The following TTR variants were observed in gnomAD, a reference collection of about 807,000 sequenced individuals.
TTR encodes the protein transthyretin, also known as epididymis luminal protein 111.
Under a neutral mutation model 13.7 loss-of-function variants are expected in TTR, and 8 were observed. The observed-to-expected ratio is 0.58, with a 90% CI of 0.34 to 1.05. TTR has a LOEUF of 1.05. Among genes scored for constraint, TTR ranks in the 50% least tolerant of loss-of-function variants. TTR has a pLI of 0.02. For synonymous variants in TTR, 75 were observed against 71.7 expected (o/e 1.05, Z -0.23); for missense variants, 135 against 185.5 (o/e 0.73, Z 1.58).
At position 31,598,591 on chromosome 18, in the gene TTR, C is replaced by T. The variant is rs150127220; in HGVS notation, c.360C>T (p.Ser120=). 1.1e-3 allele frequency: 1,811 copies of T among 1,613,994 alleles called. 48 individuals are homozygous for T. The East Asian group carries it at 0.026, about 23-fold the overall frequency. The change falls in exon 4 of 4, where the codon TCC becomes TCT. Residue 120 remains serine (S), a synonymous_variant. Transcript: ENST00000237014. The part of the protein sequence containing the change: ...HAEVVFTAND[S]GPRRYTIAAL... ...AGGTGGTATTCACAGCCAACGACTC[C>T]GGCCCCCGCCGCTACACCATTGCCG...
chr18:31,598,199 T>A, intron 3 of TTR: 1 of 356,130 alleles, frequency 2.8e-6, no homozygotes, highest in Non-Finnish European at 5.5e-6. Flanking sequence ...CAGCCACTAT[T>A]GCAGCAGCTC....
Position 31,597,565 on chromosome 18 carries a change from T to C in TTR, c.337-1003T>C, listed in dbSNP as rs116986933. On this transcript the variant is annotated intron_variant, in intron 3 of 3. Transcript: ENST00000237014. ...TTTTTGGTATGGCTCACTCAGATCC[T>C]TTTTTCCTCCTATCCCTAAGTAATC... Among the ~76,000 whole-genome samples the C allele has an allele frequency of 1.9e-3, 293 of 152,316 alleles. 1 individual carries two copies. The highest frequency in any genetic ancestry group is 3.6e-3 in the Non-Finnish European group (245 of 68,028).
At chr18:31,595,756 T>C (rs1467679514) in intron 3 of TTR, 1 of 328,254 alleles carries the variant, frequency 3.0e-6, no homozygotes, top group Non-Finnish European at 5.9e-6. Flanking sequence ...TTACCAAGCA[T>C]ACACCATGTG....
At chr18:31,597,812 C>T (rs933162356) in intron 3 of TTR, among the ~76,000 whole-genome samples, 3 of 152,194 alleles carry the variant, frequency 2.0e-5, no homozygotes, top group Non-Finnish European at 4.4e-5. Context: ...AACTGTGTGA[C>T]TATCTGGAAC....
At position 31,595,024 on chromosome 18, in the gene TTR, A is replaced by G. The variant is rs1000784925; in HGVS notation, c.201-96A>G. On this transcript the variant is annotated intron_variant, in intron 2 of 3. Coordinates refer to ENST00000237014, the MANE Select transcript of TTR (RefSeq NM_000371.4). Reference sequence around the variant, plus strand: ...GGGAAATGTTCATAACATGTTTATAACATGTTTATGTGTGTTAGTTGGTGG... The same window carrying G: ...GGGAAATGTTCATAACATGTTTATAGCATGTTTATGTGTGTTAGTTGGTGG... 22 of 1,331,014 alleles carry G rather than the reference A, an allele frequency of 1.7e-5. 1 individual carries two copies. Among genetic ancestry groups the G allele is most frequent in the Non-Finnish European group, 2.3e-5 (22 of 937,228 alleles). The allele number at this position is 1,331,014 out of a possible 1,614,324, so 82.5% of individuals were successfully genotyped here.
At position 31,595,132 on chromosome 18, in the gene TTR, G is replaced by A. The variant is rs1397638500; in HGVS notation, c.213G>A (p.Glu71=). Residue 71 remains glutamate (E), a synonymous_variant, in exon 3 of 4, where the codon GAG becomes GAA. Transcript: ENST00000237014. ...TCACACCTTATAGGAAAACCAGTGA[G>A]TCTGGAGAGCTGCATGGGCTCACAA... is the stretch of plus-strand genomic sequence containing the variant. ...WEPFASGKTS[E]SGELHGLTTE... is the part of the protein sequence containing the mutation. The A allele has an allele frequency of 6.2e-7, 1 of 1,614,048 alleles. No homozygotes were observed. The highest frequency in any genetic ancestry group is 8.5e-7 in the Non-Finnish European group (1 of 1,180,042).
chr18:31,594,731 G>GATTA (rs2073507248), intron 2 of TTR, among the ~76,000 whole-genome samples: 1 of 152,110 alleles, frequency 6.6e-6, no homozygotes, highest in South Asian at 2.1e-4. Context: ...AGGCATGGTG[G>GATTA]CAGGCGCCTG....
intron 2 of TTR, among the ~76,000 whole-genome samples, chr18:31,594,772 G>A (rs1403107225): frequency 6.6e-6 from 1 of 152,060 alleles, no homozygotes; most frequent in Non-Finnish European, 1.5e-5. Context: ...GCTGAGGCTG[G>A]AGAATCCCTT....
In TTR at chr18:31,598,753, C is replaced by T. The variant is rs543652861; in HGVS notation, c.*78C>T. The T allele has an allele frequency of 4.1e-6, 6 of 1,453,648 alleles. No individual in the cohort carries two copies. Among genetic ancestry groups the T allele is most frequent in the Non-Finnish European group, 5.7e-6 (6 of 1,044,922 alleles). The allele number at this position is 1,453,648 out of a possible 1,614,324, so 90.0% of individuals were successfully genotyped here. ...CAAGAGTATTCCATTTTTACTAAAG[C>T]AGTGTTTTCACCTCATATGCTATGT... is the stretch of plus-strand genomic sequence containing the variant. On this transcript the variant is annotated 3_prime_UTR_variant, in exon 4 of 4. Transcript: ENST00000237014.
chr18:31,597,008 T>G (rs3794884), intron 3 of TTR: 51,065 of 152,018 alleles, frequency 0.34, 8,747 homozygotes, highest in Middle Eastern at 0.51. Flanking sequence ...ATGGAAACTT[T>G]TATTAGGAGC....
intron 1 of TTR, among the ~76,000 whole-genome samples, chr18:31,592,258 T>C (rs1308512293): frequency 6.6e-6 from 1 of 152,188 alleles, no homozygotes; most frequent in Non-Finnish European, 1.5e-5. Context: ...GATATGATAT[T>C]AAGGAAGCTG....
intron 2 of TTR, 21 bp from the exon 3 acceptor site, chr18:31,595,099 C>T (rs1019596709): frequency 1.9e-6 from 3 of 1,613,738 alleles, no homozygotes; most frequent in Non-Finnish European, 2.5e-6. Context: ...GTAACTTAAT[C>T]CAGACTTTCA....
chr18:31,598,460 A>T (rs1172406833), intron 3 of TTR, 108 bp from the exon 4 acceptor site: 2 of 1,069,110 alleles, frequency 1.9e-6, no homozygotes, highest in Non-Finnish European at 2.8e-6. Flanking sequence ...AATATAAAAG[A>T]ATAAAATTAA....
intron 2 of TTR, 131 bp from the exon 3 acceptor site, chr18:31,594,989 C>CT: frequency 9.4e-7 from 1 of 1,061,242 alleles, no homozygotes; most frequent in South Asian, 1.4e-5. Flanking sequence ...CTACTTCTGA[C>CT]TTAGTTGAGG....
chr18:31,595,737 A>AGAT (rs1181280267), intron 3 of TTR: 1 of 342,904 alleles, frequency 2.9e-6, no homozygotes, highest in Non-Finnish European at 5.7e-6. Flanking sequence ...GCAACACAAT[A>AGAT]GATAACATTT....
At chr18:31,598,437 C>A in intron 3 of TTR, 131 bp from the exon 4 acceptor site, 1 of 931,342 alleles carries the variant, frequency 1.1e-6, no homozygotes, top group Non-Finnish European at 1.7e-6. Context: ...TCCTTCTGTT[C>A]AAACTGTTCC....
intron 3 of TTR, 142 bp downstream of exon 3, chr18:31,595,397 C>T (rs527513416): frequency 3.3e-6 from 4 of 1,218,490 alleles, no homozygotes; most frequent in Admixed American, 2.0e-5. Context: ...TCCTATTATA[C>T]AAGAAAAAAT....
intron 3 of TTR, 177 bp from the exon 4 acceptor site, chr18:31,598,391 T>C: frequency 1.4e-6 from 1 of 730,802 alleles, no homozygotes; most frequent in Non-Finnish European, 2.4e-6. Context: ...TGTGCATGGT[T>C]CCAAAGGCTT....
At chr18:31,593,706 C>T (rs1049560813) in intron 2 of TTR, among the ~76,000 whole-genome samples, 3 of 152,094 alleles carry the variant, frequency 2.0e-5, no homozygotes, top group Non-Finnish European at 4.4e-5. Flanking sequence ...CACGATCACC[C>T]GACTTCATGT....
Sources: allele counts gnomAD v4.1 joint callset (sites outside exome capture counted in the v4.1 genomes callset), GRCh38; gene constraint gnomAD v4.1.1; transcripts MANE v1.5; gene names NCBI Gene and HGNC (gene_info 2026-07-23, HGNC 2026-07-21).